ZNF214: variants seen among roughly 807,000 people sequenced by gnomAD.
ZNF214 encodes BWSCR2-associated zinc finger protein 1.
A neutral mutation model predicts 53.9 loss-of-function variants in ZNF214; 43 were observed. The ratio of observed to expected loss-of-function variants is 0.80; its 90% confidence interval spans 0.63 to 1.03. The LOEUF is 1.03. Among genes scored for constraint, ZNF214 ranks in the 50% least tolerant of loss-of-function variants. The probability of loss-of-function intolerance (pLI) is 0.00; values close to 1 mark genes in which losing one functional copy is unlikely to be tolerated. For missense variants in ZNF214, 724 were observed against 719.1 expected (o/e 1.01, Z -0.08); for synonymous variants, 217 against 229.5 (o/e 0.95, Z 0.49).
rs1254603418 is a variant in ZNF214 at position 7,000,906 on chromosome 11, T to G, written c.777A>C (p.Arg259Ser). 3 of 1,613,232 alleles carry G rather than the reference T, an allele frequency of 1.9e-6. No homozygotes were observed. Among genetic ancestry groups the G allele is most frequent in the Non-Finnish European group, 2.5e-6 (3 of 1,179,580 alleles). The change falls in exon 3 of 3, where the codon AGA becomes AGC. Residue 259 changes from arginine to serine, a missense_variant. Transcript: ENST00000278314. ...CSICKACFSQ[R>S]SDLYRHPRNH... is the part of the protein sequence containing the mutation. ...TTCTTGGATGTCTATACAAGTCTGA[T>G]CTCTGAGAGAAGCATGCTTTACAGA...
In ZNF214 at chr11:6,999,661, A is replaced by C; in HGVS notation, c.*201T>G. 1 of 478,480 alleles carries C rather than the reference A, an allele frequency of 2.1e-6. No homozygotes were observed. The highest frequency in any genetic ancestry group is 3.5e-6 in the Non-Finnish European group (1 of 283,872). 29.6% of individuals were successfully genotyped at this position (478,480 alleles called of 1,614,324 possible). Reference sequence around the variant, plus strand: ...ATTATATTTATAGTAGGTAAAGAAAAATACACTATAATTTTAAATATATAG... The same window carrying C: ...ATTATATTTATAGTAGGTAAAGAAACATACACTATAATTTTAAATATATAG... On this transcript the variant is annotated 3_prime_UTR_variant, in exon 3 of 3. Transcript: ENST00000278314.
rs764581371 is a variant in ZNF214, at chr11:7,000,797, C to T, written c.886G>A (p.Val296Ile). The stretch of plus-strand genomic sequence containing the variant: ...CTATAAGGTACCTCCCCTATGTGAA[C>T]TCTCTGATGAAAGTGAACTCCGGAG... ...QSSGVHFHQR[V>I]HIGEVPYSCN... Residue 296 changes from valine to isoleucine, a missense_variant, in exon 3 of 3, where the codon GTT (valine) becomes ATT (isoleucine). Coordinates refer to ENST00000278314, the MANE Select transcript of ZNF214 (RefSeq NM_013249.4). 17 of 1,610,844 alleles carry T rather than the reference C, an allele frequency of 1.1e-5. No homozygotes were observed. The South Asian group carries it at 1.9e-4, about 18-fold the overall frequency.
rs1055040199 is a variant in ZNF214, at chr11:7,000,257, C to T, written c.1426G>A (p.Gly476Arg). Reference protein sequence around the residue: ...GEKPYTCPECGKGFSKSSKLH... With the variant: ...GEKPYTCPECRKGFSKSSKLH... ...TTTGAACTCTTACTGAAGCCCTTCC[C>T]ACATTCAGGACAAGTATAGGGTTTC... Residue 476 changes from glycine to arginine, a missense_variant, in exon 3 of 3, where the codon GGG (glycine) becomes AGG (arginine). Transcript: ENST00000278314. The T allele has an allele frequency of 6.2e-7, 1 of 1,613,194 alleles. No homozygotes were observed. The highest frequency in any genetic ancestry group is 1.3e-5 in the African/African-American group (1 of 74,842).
chr11:7,006,296 T>A (rs957283285), intron 1 of ZNF214, among the ~76,000 whole-genome samples: 7 of 152,066 alleles, frequency 4.6e-5, no homozygotes, highest in Non-Finnish European at 8.8e-5. Flanking sequence ...TTTCCACTCC[T>A]TTTTTGGTAT....
At chr11:7,002,633 C>A in intron 2 of ZNF214, 76 bp downstream of exon 2, 1 of 1,424,722 alleles carries the variant, frequency 7.0e-7, no homozygotes, top group Non-Finnish European at 9.3e-7. Flanking sequence ...ATATAACACC[C>A]AGATAAAAAA....
chr11:7,001,649 A>G lies in ZNF214; in HGVS notation c.128-94T>C, dbSNP rs1851358113. On this transcript the variant is annotated intron_variant, in intron 2 of 2. Transcript: ENST00000278314. ...TCAATGACCTTTAAATGATAGGAAT[A>G]TATGTGTGGCTGGGGGTAGGAAAGA... is the stretch of plus-strand genomic sequence containing the variant. 4 of 1,393,358 alleles carry G rather than the reference A, an allele frequency of 2.9e-6. No individual in the cohort carries two copies. In the Admixed American group the frequency reaches 7.5e-5, roughly 26 times the overall value. 86.3% of individuals were successfully genotyped at this position (1,393,358 alleles called of 1,614,324 possible). A position where few individuals can be genotyped will look rare whatever the true frequency, so the allele number is the denominator to read the frequency against.
In ZNF214 at chr11:7,000,717, T is replaced by G; in HGVS notation, c.966A>C (p.Gln322His). 6.2e-7 allele frequency: 1 copy of G among 1,610,030 alleles called. No individual in the cohort carries two copies. Among genetic ancestry groups the G allele is most frequent in the East Asian group, 2.2e-5 (1 of 44,850 alleles). The change falls in exon 3 of 3, where the codon CAA becomes CAC. Residue 322 changes from glutamine (Q) to histidine (H), a missense_variant. Physicochemically the swap from Gln to His is conservative, Grantham distance 24 (BLOSUM62 0). Transcript: ENST00000278314. ...AGAATTTCTCTTCTGTGTGGACTCT[T>G]TGATGATTGTGAAGACTAGAGATCT... ...FSQISSLHNHQRVHTEEKFYK... is the reference protein window; with the variant it reads ...FSQISSLHNHHRVHTEEKFYK...
In ZNF214 at chr11:7,000,445, G is replaced by A; in HGVS notation, c.1238C>T (p.Ser413Phe). ...IHQLVHTGEK[S>F]YKCEDCGKGF... ...TTTACCACAGTCTTCACATTTATAA[G>A]ACTTCTCTCCTGTGTGTACTAACTG... The change falls in exon 3 of 3, where the codon TCT (serine) becomes TTT (phenylalanine). Residue 413 changes from serine to phenylalanine, a missense_variant. Physicochemically the swap from Ser to Phe is radical, Grantham distance 155. Coordinates refer to ENST00000278314, the MANE Select transcript of ZNF214 (RefSeq NM_013249.4). The A allele has an allele frequency of 1.3e-5, 21 of 1,613,338 alleles. No homozygotes were observed. Among genetic ancestry groups the A allele is most frequent in the Non-Finnish European group, 1.8e-5 (21 of 1,179,600 alleles).
At position 6,999,748 on chromosome 11, in the gene ZNF214, T is replaced by C; in HGVS notation, c.*114A>G. On this transcript the variant is annotated 3_prime_UTR_variant, in exon 3 of 3. Transcript: ENST00000278314. ...TCTTAGTGGGAGATAGGGGAAACTATAAATGTTGCTTGGGATTACTTGTGT... is the reference window on the plus strand; with the variant it reads ...TCTTAGTGGGAGATAGGGGAAACTACAAATGTTGCTTGGGATTACTTGTGT... 2.5e-6 allele frequency: 3 copies of C among 1,192,904 alleles called. No individual in the cohort carries two copies. The South Asian group carries it at 5.5e-5, about 22-fold the overall frequency. 73.9% of individuals were successfully genotyped at this position (1,192,904 alleles called of 1,614,324 possible).
At chr11:7,002,487 A>C (rs535485101) in intron 2 of ZNF214, among the ~76,000 whole-genome samples, 5 of 151,966 alleles carry the variant, frequency 3.3e-5, no homozygotes, top group African/African-American at 1.2e-4. Context: ...AGGGTAATGC[A>C]GAGAATAACT....
At chr11:7,002,514 A>G (rs1851378142) in intron 2 of ZNF214, among the ~76,000 whole-genome samples, 195 bp downstream of exon 2, 2 of 152,002 alleles carry the variant, frequency 1.3e-5, no homozygotes, top group African/African-American at 4.8e-5. Flanking sequence ...AATAATCACA[A>G]GTATCTATTA....
intron 2 of ZNF214, among the ~76,000 whole-genome samples, chr11:7,002,163 G>A (rs372768738): frequency 3.9e-4 from 59 of 152,046 alleles, no homozygotes; most frequent in African/African-American, 1.4e-3. Context: ...CCATGTAAGT[G>A]TGCTTGGGTT....
intron 1 of ZNF214, among the ~76,000 whole-genome samples, chr11:7,017,298 G>C (rs997923663): frequency 2.0e-5 from 3 of 152,202 alleles, no homozygotes; most frequent in African/African-American, 7.2e-5. Context: ...ATTTCTAAAA[G>C]AGAACTTCAG....
chr11:7,000,632 GTC>G lies in ZNF214; in HGVS notation c.1049_1050del (p.Arg350ThrfsTer9). 3 of 1,601,378 alleles carry G rather than the reference GTC, an allele frequency of 1.9e-6. No homozygotes were observed. Among genetic ancestry groups the G allele is most frequent in the Non-Finnish European group, 2.6e-6 (3 of 1,175,862 alleles). On this transcript the variant is annotated frameshift_variant, in exon 3 of 3. Coordinates refer to ENST00000278314, the MANE Select transcript of ZNF214 (RefSeq NM_013249.4). LOFTEE classifies it high-confidence loss of function. ...TTAAAAGGCTTCTCTCCTATGTGAA[GTC>G]TCTGGTGAATGTGAAGTAATGAATT... ...SRNSLLHIHQ[R>X]LHIGEKPFKC...
At chr11:7,014,508 A>T (rs897437481) in intron 1 of ZNF214, among the ~76,000 whole-genome samples, 2 of 152,214 alleles carry the variant, frequency 1.3e-5, no homozygotes, top group African/African-American at 4.8e-5. Context: ...CAATTTTACA[A>T]TGTTCAAAAA....
At position 6,997,585 on chromosome 11, in the gene ZNF214, T is replaced by TA. The variant is rs1188766605; in HGVS notation, c.*2276dup. 0.15 allele frequency among the ~76,000 whole-genome samples: 18,887 copies of TA among 122,790 alleles called. 1,302 individuals are homozygous for TA. The highest frequency in any genetic ancestry group is 0.21 in the Admixed American group (2,601 of 12,316). The allele number at this position is 122,790 out of a possible 152,430, so 80.6% of individuals were successfully genotyped here. On this transcript the variant is annotated 3_prime_UTR_variant, in exon 3 of 3. Transcript: ENST00000278314. ...TTATTAAGTTGTAATTTTAGGTTTG[T>TA]AAAAAAAAAAAAAAAAGGCCTTTCT...
At position 7,000,068 on chromosome 11, in the gene ZNF214, A is replaced by C. The variant is rs1185334820; in HGVS notation, c.1615T>G (p.Ser539Ala). Residue 539 changes from serine (S) to alanine (A), a missense_variant, in exon 3 of 3, where the codon TCT (serine) becomes GCT (alanine). By Grantham distance (99) the Ser-to-Ala change is moderately conservative. Coordinates refer to ENST00000278314, the MANE Select transcript of ZNF214 (RefSeq NM_013249.4). The part of the protein sequence containing the change: ...HDCGKGFSHS[S>A]NLHIHQRVHT... ...ACCCTCTGATGAATGTGAAGATTAGAACTGTGACTAAAACCCTTTCCACAA... is the reference window on the plus strand; with the variant it reads ...ACCCTCTGATGAATGTGAAGATTAGCACTGTGACTAAAACCCTTTCCACAA... 1 of 1,613,404 alleles carries C rather than the reference A, an allele frequency of 6.2e-7. No individual in the cohort carries two copies. The highest frequency in any genetic ancestry group is 8.5e-7 in the Non-Finnish European group (1 of 1,179,558).
At chr11:7,003,823 A>C (rs1851414900) in intron 1 of ZNF214, among the ~76,000 whole-genome samples, 1 of 151,974 alleles carries the variant, frequency 6.6e-6, no homozygotes, top group Non-Finnish European at 1.5e-5. Flanking sequence ...CATTAACCAC[A>C]AATAAGAACT....
At chr11:7,011,358 C>T (rs1347426761) in intron 1 of ZNF214, among the ~76,000 whole-genome samples, 3 of 151,882 alleles carry the variant, frequency 2.0e-5, no homozygotes, top group Non-Finnish European at 4.4e-5. Flanking sequence ...ATGCAAGGAT[C>T]GTTCAACATG....
Sources: allele counts gnomAD v4.1 joint callset (sites outside exome capture counted in the v4.1 genomes callset), GRCh38; gene constraint gnomAD v4.1.1; transcripts MANE v1.5; gene names NCBI Gene and HGNC (gene_info 2026-07-23, HGNC 2026-07-21).